MAPK4: variants seen among roughly 807,000 people sequenced by gnomAD.
MAPK4 encodes the protein Erk3-related.
MAPK4 carries 22 observed loss-of-function variants against 47.7 expected under a neutral mutation model. That is an observed-to-expected ratio of 0.46 (90% confidence interval 0.33 to 0.66). MAPK4 has a LOEUF of 0.66. Among genes scored for constraint, MAPK4 ranks in the 30% least tolerant of loss-of-function variants. The pLI is 0.02. For missense variants in MAPK4, 736 were observed against 831.7 expected, an observed-to-expected ratio of 0.88 and a Z score of 1.42; for synonymous variants, 390 against 365.7, an observed-to-expected ratio of 1.07 and a Z score of -0.76.
At chr18:50,600,104 T>C (rs1308104986) in intron 1 of MAPK4, among the ~76,000 whole-genome samples, 2 of 152,236 alleles carry the variant, frequency 1.3e-5, no homozygotes, top group African/African-American at 2.4e-5. Flanking sequence ...ATAGTTTGTG[T>C]ATTCTAATCA....
At chr18:50,726,875 T>C (rs1911231363) in intron 5 of MAPK4, among the ~76,000 whole-genome samples, 1 of 151,204 alleles carries the variant, frequency 6.6e-6, no homozygotes, top group African/African-American at 2.4e-5. Flanking sequence ...AAAAATGCCA[T>C]TAACGGGGGC....
At chr18:50,713,375 T>G (rs1910477648) in intron 2 of MAPK4, among the ~76,000 whole-genome samples, 1 of 152,218 alleles carries the variant, frequency 6.6e-6, no homozygotes, top group African/African-American at 2.4e-5. Context: ...CACACCCACC[T>G]TGGAAAGTGG....
intron 1 of MAPK4, among the ~76,000 whole-genome samples, chr18:50,566,854 C>T (rs1304676562): frequency 1.3e-5 from 2 of 152,026 alleles, no homozygotes; most frequent in African/African-American, 2.4e-5. Flanking sequence ...CAAATCCTAC[C>T]GGTGATCCTG....
At chr18:50,622,933 C>T (rs2042745402) in intron 1 of MAPK4, among the ~76,000 whole-genome samples, 3 of 152,222 alleles carry the variant, frequency 2.0e-5, no homozygotes, top group Admixed American at 2.0e-4. Context: ...TACATAGTCT[C>T]ATTTCACATA....
intron 1 of MAPK4, among the ~76,000 whole-genome samples, chr18:50,638,041 A>G (rs2042903189): frequency 6.6e-6 from 1 of 152,350 alleles, no homozygotes; most frequent in African/African-American, 2.4e-5. Context: ...TAAGGGCATC[A>G]TGCATGTAAA....
chr18:50,718,271 G>A (rs934829331), intron 3 of MAPK4, among the ~76,000 whole-genome samples: 4 of 152,344 alleles, frequency 2.6e-5, no homozygotes, highest in Admixed American at 2.6e-4. Context: ...CCAGGCTGGA[G>A]TGCAACGGCA....
chr18:50,702,645 C>T (rs563520073), intron 2 of MAPK4, among the ~76,000 whole-genome samples: 6 of 152,224 alleles, frequency 3.9e-5, no homozygotes, highest in Non-Finnish European at 7.4e-5. Flanking sequence ...TTAAGAGGCT[C>T]CCCAAACCAA....
intron 1 of MAPK4, among the ~76,000 whole-genome samples, chr18:50,633,972 A>T (rs1046272157): frequency 2.0e-5 from 3 of 152,232 alleles, no homozygotes; most frequent in African/African-American, 7.2e-5. Context: ...ACATTGTGCC[A>T]TAAATTTGGA....
In MAPK4 at chr18:50,698,177, A is replaced by G. The variant is rs146440075; in HGVS notation, c.547-16902A>G. Among the ~76,000 whole-genome samples, 1,023 of 152,292 alleles carry G rather than the reference A, an allele frequency of 6.7e-3. 7 individuals are homozygous for G. The highest frequency in any genetic ancestry group is 0.023 in the African/African-American group (947 of 41,562). On this transcript the variant is annotated intron_variant, in intron 2 of 5. Coordinates refer to ENST00000400384, the MANE Select transcript of MAPK4 (RefSeq NM_002747.4). ...TCAAATAAAATCAAATCGGGCTACA[A>G]TTCAACAAGCTTCAGAGTATTAGGC...
chr18:50,629,645 T>C (rs2042811398), intron 1 of MAPK4: 1 of 152,202 alleles, frequency 6.6e-6, no homozygotes, highest in African/African-American at 2.4e-5. Flanking sequence ...CGTGGGGCAC[T>C]GTGACCCCAT....
chr18:50,627,372 G>C (rs575694226), intron 1 of MAPK4, among the ~76,000 whole-genome samples: 1 of 152,206 alleles, frequency 6.6e-6, no homozygotes, highest in Non-Finnish European at 1.5e-5. Flanking sequence ...ACAATGGATA[G>C]CAATAGTTCC....
chr18:50,564,912 A>G (rs994881706), intron 1 of MAPK4, among the ~76,000 whole-genome samples: 4 of 152,232 alleles, frequency 2.6e-5, no homozygotes, highest in African/African-American at 9.6e-5. Flanking sequence ...ACCCTCTTTA[A>G]GGAAACGACA....
chr18:50,577,607 C>A (rs2042309272), intron 1 of MAPK4, among the ~76,000 whole-genome samples: 1 of 152,090 alleles, frequency 6.6e-6, no homozygotes. Flanking sequence ...ACCTTGTGCA[C>A]CAGGGTTACC....
chr18:50,640,318 A>G (rs934746), intron 1 of MAPK4, among the ~76,000 whole-genome samples: 2,259 of 152,100 alleles, frequency 0.015, 52 homozygotes, highest in African/African-American at 0.047. Context: ...GGTCATGCCA[A>G]AGAAACTTGG....
chr18:50,728,820 G>A (rs1295884762), intron 5 of MAPK4, among the ~76,000 whole-genome samples: 1 of 152,188 alleles, frequency 6.6e-6, no homozygotes, highest in Non-Finnish European at 1.5e-5. Context: ...TTGCACAGGT[G>A]GATCCCCTAG....
chr18:50,710,802 A>C (rs2144417941), intron 2 of MAPK4, among the ~76,000 whole-genome samples: 1 of 150,638 alleles, frequency 6.6e-6, no homozygotes, highest in Non-Finnish European at 1.5e-5. Flanking sequence ...TAAATAAATA[A>C]ATAAATAAAT....
intron 1 of MAPK4, among the ~76,000 whole-genome samples, chr18:50,653,583 C>T (rs2043075259): frequency 6.6e-6 from 1 of 152,190 alleles, no homozygotes; most frequent in South Asian, 2.1e-4. Flanking sequence ...CCAGGCTCTA[C>T]CTTCTAGGGT....
intron 1 of MAPK4, among the ~76,000 whole-genome samples, chr18:50,590,528 C>T (rs2042427958): frequency 6.6e-6 from 1 of 152,156 alleles, no homozygotes; most frequent in Non-Finnish European, 1.5e-5. Flanking sequence ...GTCCAGCTCA[C>T]CACACCTTAT....
At chr18:50,719,873 C>T (rs560690896) in intron 3 of MAPK4, among the ~76,000 whole-genome samples, 3 of 152,288 alleles carry the variant, frequency 2.0e-5, no homozygotes, top group Admixed American at 6.5e-5. Flanking sequence ...AAGTGTCCAA[C>T]GAAGAAAGGT....
Sources: gnomAD v4.1 joint callset for allele counts (sites outside exome capture counted in the v4.1 genomes callset) on GRCh38, gnomAD v4.1.1 for gene constraint, MANE v1.5 for transcripts, NCBI Gene and HGNC (gene_info 2026-07-23, HGNC 2026-07-21) for gene names.